SIRT3: variants seen among roughly 807,000 people sequenced by gnomAD.
SIRT3 encodes the protein sirtuin 3.
In SIRT3, 26 loss-of-function variants were observed where a neutral mutation model predicts 33.5. The observed-to-expected ratio is 0.78, with a 90% confidence interval of 0.57 to 1.08. SIRT3 has a LOEUF of 1.08. SIRT3 is among the 50% of genes least tolerant of loss of function. The pLI is 0.00. For synonymous variants in SIRT3, 237 were observed against 222.1 expected, an observed-to-expected ratio of 1.07 and a Z score of -0.60; for missense variants, 585 against 530.1, an observed-to-expected ratio of 1.10 and a Z score of -1.02.
At chr11:227,601 A>G (rs34335925) in intron 4 of SIRT3, among the ~76,000 whole-genome samples, 23,751 of 151,876 alleles carry the variant, frequency 0.16, 2,346 homozygotes, top group Middle Eastern at 0.22. Flanking sequence ...CTGTTGCCCA[A>G]ATTATCTATT....
chr11:217,234 G>A (rs568615656), intron 6 of SIRT3, among the ~76,000 whole-genome samples: 11 of 152,202 alleles, frequency 7.2e-5, no homozygotes, highest in South Asian at 2.1e-4. Context: ...TGGATCACCC[G>A]AGGTCAGGAG....
rs1040068479 is a variant in SIRT3, at chr11:236,203, GC to G, written c.125del (p.Gly42AlafsTer5). 11 of 1,560,752 alleles carry G rather than the reference GC, an allele frequency of 7.0e-6. No individual in the cohort carries two copies. In the African/African-American group the frequency reaches 1.5e-4, roughly 21 times the overall value. ...TCAGCCCCGCACTCACATCGTCCCT[GC>G]CGCCAAGCACCAGCCGACAGCCGCA... ...QACGCRLVLG[G>X]RDDVSAGLRG... is the part of the protein sequence containing the mutation. On this transcript the variant is annotated frameshift_variant, in exon 1 of 7. Coordinates refer to ENST00000382743, the MANE Select transcript of SIRT3 (RefSeq NM_012239.6). LOFTEE classifies it high-confidence loss of function.
chr11:218,849 G>T lies in SIRT3; in HGVS notation c.1162C>A (p.Gln388Lys). 1 of 1,614,154 alleles carries T rather than the reference G, an allele frequency of 6.2e-7. No individual in the cohort carries two copies. Among genetic ancestry groups the T allele is most frequent in the Admixed American group, 1.7e-5 (1 of 60,024 alleles). The change falls in exon 6 of 7, where the codon CAG becomes AAG. Residue 388 changes from glutamine to lysine, a missense_variant. By Grantham distance (53) the Gln-to-Lys change is moderately conservative. Transcript: ENST00000382743. ...GTCTGTACCTTCCCAGTTTCCCGCT[G>T]CACAAGGTCCCGCATCTCTTCTGTC... ...GWTEEMRDLV[Q>K]RETGKLDGPD...
rs201620500 is a variant in SIRT3 at position 219,018 on chromosome 11, G to A, written c.993C>T (p.Thr331=). Residue 331 remains threonine, a synonymous_variant, in exon 6 of 7, where the codon ACC becomes ACT. Coordinates refer to ENST00000382743, the MANE Select transcript of SIRT3 (RefSeq NM_012239.6). ...SLEVEPFASL[T]EAVRSSVPRL... ...GGGGAACTGAGCTCCGCACGGCCTC[G>A]GTCAAGCTGGCAAAAGGCTCCACCT... 162 of 1,613,488 alleles carry A rather than the reference G, an allele frequency of 1.0e-4. No homozygotes were observed. Among genetic ancestry groups the A allele is most frequent in the South Asian group, 2.1e-4 (19 of 91,016 alleles).
intron 4 of SIRT3, among the ~76,000 whole-genome samples, chr11:229,754 G>A (rs918001912): frequency 4.0e-5 from 6 of 151,690 alleles, no homozygotes; most frequent in African/African-American, 1.2e-4. Context: ...GTAAGACTGT[G>A]TCTCAAAAAA....
intron 5 of SIRT3, 119 bp from the exon 6 acceptor site, chr11:219,160 T>C (rs1233767381): frequency 2.3e-6 from 3 of 1,300,110 alleles, no homozygotes; most frequent in African/African-American, 3.0e-5. Flanking sequence ...GAGCCTGCGA[T>C]ATAGGGAAAA....
intron 4 of SIRT3, among the ~76,000 whole-genome samples, chr11:224,719 A>C (rs1856924125): frequency 6.6e-6 from 1 of 152,304 alleles, no homozygotes; most frequent in East Asian, 1.9e-4. Flanking sequence ...CATTCAGGTC[A>C]GCTTCACTCA....
intron 3 of SIRT3, among the ~76,000 whole-genome samples, chr11:232,622 T>A (rs1157127891): frequency 6.6e-6 from 1 of 152,130 alleles, no homozygotes; most frequent in East Asian, 1.9e-4. Flanking sequence ...GCTCTCTTTG[T>A]GTGTGCTCAA....
chr11:215,783 A>G lies in SIRT3; in HGVS notation c.*915T>C, dbSNP rs1467942327. On this transcript the variant is annotated 3_prime_UTR_variant, in exon 7 of 7. Transcript: ENST00000382743. Reference sequence around the variant, plus strand: ...AGCAGTTCAGTGGATTCCACCTCCTATGTCACAATCCAGCAGGTGGCCAGG... The same window carrying G: ...AGCAGTTCAGTGGATTCCACCTCCTGTGTCACAATCCAGCAGGTGGCCAGG... 1 of 152,312 alleles carries G rather than the reference A, an allele frequency of 6.6e-6. No homozygotes were observed. Among genetic ancestry groups the G allele is most frequent in the East Asian group, 1.9e-4 (1 of 5,202 alleles). The allele number at this position is 152,312 out of a possible 1,614,324, so 9.4% of individuals were successfully genotyped here.
chr11:234,273 G>C (rs1308166953), intron 1 of SIRT3, among the ~76,000 whole-genome samples: 1 of 152,240 alleles, frequency 6.6e-6, no homozygotes, highest in Non-Finnish European at 1.5e-5. Context: ...GAGGGACACT[G>C]TGCAAAGGAC....
chr11:234,818 G>C (rs374763703), intron 1 of SIRT3, among the ~76,000 whole-genome samples: 1 of 152,166 alleles, frequency 6.6e-6, no homozygotes, highest in African/African-American at 2.4e-5. Flanking sequence ...ACCTAGAACA[G>C]AGTCTGGCAC....
At chr11:225,730 G>C (rs1857093070) in intron 4 of SIRT3, 1 of 152,246 alleles carries the variant, frequency 6.6e-6, no homozygotes, top group African/African-American at 2.4e-5. Context: ...AGGAACAGCA[G>C]GAGAGAGAAG....
chr11:236,177 C>G lies in SIRT3; in HGVS notation c.152G>C (p.Arg51Thr), dbSNP rs1445098247. Reference sequence around the variant, plus strand: ...CTCACCGCGGGCCCCATGGCTGCCTCTCAGCCCCGCACTCACATCGTCCCT... The same window carrying G: ...CTCACCGCGGGCCCCATGGCTGCCTGTCAGCCCCGCACTCACATCGTCCCT... ...GGRDDVSAGL[R>T]GSHGARGEPL... The change falls in exon 1 of 7, where the codon AGA (arginine) becomes ACA (threonine). Residue 51 changes from arginine to threonine, a missense_variant. Coordinates refer to ENST00000382743, the MANE Select transcript of SIRT3 (RefSeq NM_012239.6). 6.4e-7 allele frequency: 1 copy of G among 1,564,380 alleles called. No individual in the cohort carries two copies. The highest frequency in any genetic ancestry group is 1.2e-5 in the South Asian group (1 of 85,456).
Position 233,500 on chromosome 11 carries a change from C to A in SIRT3, c.316G>T (p.Val106Leu). Residue 106 changes from valine (V) to leucine (L), a missense_variant, in exon 2 of 7, where the codon GTG (valine) becomes TTG (leucine). Physicochemically the swap from Val to Leu is conservative, Grantham distance 32 (BLOSUM62 1). Coordinates refer to ENST00000382743, the MANE Select transcript of SIRT3 (RefSeq NM_012239.6). ...CTTCCAACAACACTTGAAGCACCCA[C>A]AGAAAAAGATATGGACCTTCTTCCA... ...KGGRRSISFSVGASSVVGSGG... is the reference protein window; with the variant it reads ...KGGRRSISFSLGASSVVGSGG... 1 of 1,614,066 alleles carries A rather than the reference C, an allele frequency of 6.2e-7. No homozygotes were observed.
rs143460254 is a variant in SIRT3, at chr11:233,771, T to G, written c.282-237A>C. 365 of 501,560 alleles carry G rather than the reference T, an allele frequency of 7.3e-4. 1 individual carries two copies. The highest frequency in any genetic ancestry group is 6.3e-3 in the African/African-American group (326 of 51,990). The allele number at this position is 501,560 out of a possible 1,614,324, so 31.1% of individuals were successfully genotyped here. A position where few individuals can be genotyped will look rare whatever the true frequency, so the allele number is the denominator to read the frequency against. On this transcript the variant is annotated intron_variant, in intron 1 of 6. Coordinates refer to ENST00000382743, the MANE Select transcript of SIRT3 (RefSeq NM_012239.6). Reference sequence around the variant, plus strand: ...GCAAAAAATTCAGGTTAATGGGAACTGTGCTCATTTCATAATTCAGTACAC... The same window carrying G: ...GCAAAAAATTCAGGTTAATGGGAACGGTGCTCATTTCATAATTCAGTACAC...
rs374838599 is a variant in SIRT3, at chr11:216,856, T to C, written c.1180-138A>G. On this transcript the variant is annotated intron_variant, in intron 6 of 6. Transcript: ENST00000382743. ...AGCTGCTTTCTGCAAATACTGCTGCTGCTGTGCTGGGCTAAGAGGATCCCA... is the reference window on the plus strand; with the variant it reads ...AGCTGCTTTCTGCAAATACTGCTGCCGCTGTGCTGGGCTAAGAGGATCCCA... The C allele has an allele frequency of 2.2e-4, 205 of 950,890 alleles. No individual in the cohort carries two copies. In the African/African-American group the frequency reaches 2.9e-3, roughly 14 times the overall value. The allele number at this position is 950,890 out of a possible 1,614,324, so 58.9% of individuals were successfully genotyped here.
chr11:231,554 A>G (rs1218533508), intron 3 of SIRT3, among the ~76,000 whole-genome samples: 2 of 152,190 alleles, frequency 1.3e-5, no homozygotes, highest in Admixed American at 1.3e-4. Context: ...ACAAAAAGTG[A>G]CTTCTTATGA....
Position 224,169 on chromosome 11 carries a change from A to T in SIRT3, c.878T>A (p.Phe293Tyr). 2 of 1,614,190 alleles carry T rather than the reference A, an allele frequency of 1.2e-6. No homozygotes were observed. The highest frequency in any genetic ancestry group is 1.7e-6 in the Non-Finnish European group (2 of 1,180,028). The change falls in exon 5 of 7, where the codon TTC (phenylalanine) becomes TAC (tyrosine). Residue 293 changes from phenylalanine (F) to tyrosine (Y), a missense_variant. By Grantham distance (22) the Phe-to-Tyr change is conservative. Transcript: ENST00000382743. ...CCTCTGGGGCAGCGGCTCCCCAAAGAACACAATGTCGGGCTTCACAACGCC... is the reference window on the plus strand; with the variant it reads ...CCTCTGGGGCAGCGGCTCCCCAAAGTACACAATGTCGGGCTTCACAACGCC... ...CTGVVKPDIV[F>Y]FGEPLPQRFL...
chr11:225,180 G>A (rs7926172), intron 4 of SIRT3, among the ~76,000 whole-genome samples: 22,567 of 152,068 alleles, frequency 0.15, 2,133 homozygotes, highest in Non-Finnish European at 0.2. Context: ...TCGGGAGGCC[G>A]AGGTGGGCAG....
Sources: allele counts gnomAD v4.1 joint callset (sites outside exome capture counted in the v4.1 genomes callset), GRCh38; gene constraint gnomAD v4.1.1; transcripts MANE v1.5; gene names NCBI Gene and HGNC (gene_info 2026-07-23, HGNC 2026-07-21).